PHF13: variants seen among roughly 807,000 people sequenced by gnomAD.
PHF13 encodes the protein PHD zinc finger protein PHF5.
Under a neutral mutation model 25.8 loss-of-function variants are expected in PHF13, and 1 was observed. That is an observed-to-expected ratio of 0.04 (90% CI 0.01 to 0.18). PHF13 has a LOEUF of 0.18. Among genes scored for constraint, PHF13 ranks in the 10% least tolerant of loss-of-function variants. The probability of loss-of-function intolerance (pLI) is 1.00; values close to 1 mark genes in which losing one functional copy is unlikely to be tolerated. For missense variants in PHF13, 306 were observed against 403.2 expected (o/e 0.76, Z 2.06); for synonymous variants, 195 against 162.4 (o/e 1.20, Z -1.53).
At position 6,622,397 on chromosome 1, in the gene PHF13, A is replaced by G. The variant is rs1641352402; in HGVS notation, c.*760A>G. 1 of 152,732 alleles carries G rather than the reference A, an allele frequency of 6.5e-6. No homozygotes were observed. The allele number at this position is 152,732 out of a possible 1,614,324, so 9.5% of individuals were successfully genotyped here. On this transcript the variant is annotated 3_prime_UTR_variant, in exon 4 of 4. Coordinates refer to ENST00000377648, the MANE Select transcript of PHF13 (RefSeq NM_153812.3). ...CTTTTTGCACGATACAGCCAAAAGT[A>G]TTGGCTGATTTCTTGCTGAGTGCCC...
intron 3 of PHF13, 72 bp downstream of exon 3, chr1:6,620,409 CAT>C: frequency 6.7e-7 from 1 of 1,494,354 alleles, no homozygotes; most frequent in Non-Finnish European, 9.0e-7. Flanking sequence ...ATTAAGTGGT[CAT>C]CTCTCTGGGG....
Position 6,619,814 on chromosome 1 carries a change from A to G in PHF13, c.153A>G (p.Leu51=). The G allele has an allele frequency of 1.3e-6, 2 of 1,599,542 alleles. No individual in the cohort carries two copies. Among genetic ancestry groups the G allele is most frequent in the Non-Finnish European group, 1.7e-6 (2 of 1,172,404 alleles). ...YIPYPKEELP[L]RSSPSPANST... ...CTTTGTCTTTTTAGGAACTCCCTTTAAGGAGCAGCCCCAGCCCTGCTAACA... is the reference window on the plus strand; with the variant it reads ...CTTTGTCTTTTTAGGAACTCCCTTTGAGGAGCAGCCCCAGCCCTGCTAACA... The change falls in exon 3 of 4, where the codon TTA becomes TTG. Residue 51 remains leucine (L), a synonymous_variant. Transcript: ENST00000377648.
intron 1 of PHF13, among the ~76,000 whole-genome samples, chr1:6,615,321 C>T (rs1321498851): frequency 6.6e-6 from 1 of 152,226 alleles, no homozygotes; most frequent in Non-Finnish European, 1.5e-5. Flanking sequence ...GGTGGCGGCC[C>T]GCGGTTCCCG....
At position 6,621,754 on chromosome 1, in the gene PHF13, T is replaced by C. The variant is rs1641343374; in HGVS notation, c.*117T>C. 1 of 1,024,910 alleles carries C rather than the reference T, an allele frequency of 9.8e-7. No homozygotes were observed. The highest frequency in any genetic ancestry group is 1.6e-5 in the African/African-American group (1 of 62,726). The allele number at this position is 1,024,910 out of a possible 1,614,324, so 63.5% of individuals were successfully genotyped here. On this transcript the variant is annotated 3_prime_UTR_variant, in exon 4 of 4. Transcript: ENST00000377648. The surrounding 1 kb of genome is among the most constrained non-coding windows in gnomAD (Gnocchi z 4.8). ...CTGGTGCGGGCAGATCCCTGCCATT[T>C]AGGTGCCTAAGCAAAAGGACAGGCT...
chr1:6,620,595 T>C (rs1641324753), intron 3 of PHF13, among the ~76,000 whole-genome samples: 1 of 151,766 alleles, frequency 6.6e-6, no homozygotes, highest in Non-Finnish European at 1.5e-5. Context: ...AGCATCCAGG[T>C]AAGCATCCAG....
chr1:6,615,912 G>C (rs951224559), intron 1 of PHF13, among the ~76,000 whole-genome samples: 1 of 152,074 alleles, frequency 6.6e-6, no homozygotes, highest in Admixed American at 6.5e-5. Flanking sequence ...GGACAGTGGA[G>C]GGGACCCTCT....
At position 6,619,702 on chromosome 1, in the gene PHF13, G is replaced by C. The variant is rs1173822589; in HGVS notation, c.142-101G>C. On this transcript the variant is annotated intron_variant, in intron 2 of 3. Transcript: ENST00000377648. ...GGGCAGAGAAGCTCAAAGTTGTGCAGATGTCTCTGGAGGTCTGACATGGCT... is the reference window on the plus strand; with the variant it reads ...GGGCAGAGAAGCTCAAAGTTGTGCACATGTCTCTGGAGGTCTGACATGGCT... 2.5e-6 allele frequency: 3 copies of C among 1,212,686 alleles called. No individual in the cohort carries two copies. In the East Asian group the frequency reaches 7.0e-5, roughly 28 times the overall value. The allele number at this position is 1,212,686 out of a possible 1,614,324, so 75.1% of individuals were successfully genotyped here.
rs778189894 is a variant in PHF13, at chr1:6,619,833, G to C, written c.172G>C (p.Ala58Pro). Residue 58 changes from alanine to proline, a missense_variant, in exon 3 of 4, where the codon GCT (alanine) becomes CCT (proline). Ala to Pro is a conservative substitution (Grantham distance 27). Transcript: ENST00000377648. ...CCCTTTAAGGAGCAGCCCCAGCCCT[G>C]CTAACAGCACTGCTGGTACCATTGA... ...ELPLRSSPSPANSTAGTIDSD... is the reference protein window; with the variant it reads ...ELPLRSSPSPPNSTAGTIDSD... The C allele has an allele frequency of 1.2e-6, 2 of 1,611,468 alleles. No homozygotes were observed. The highest frequency in any genetic ancestry group is 1.7e-5 in the Admixed American group (1 of 59,820).
In PHF13 at chr1:6,615,901, G is replaced by C. The variant is rs1641253950; in HGVS notation, c.40-856G>C. On this transcript the variant is annotated intron_variant, in intron 1 of 3. Transcript: ENST00000377648. ...TGGGTGCCTGGCATCCCGACTGGCT[G>C]GGACAGTGGAGGGGACCCTCTGAGC... Among the ~76,000 whole-genome samples the C allele has an allele frequency of 2.6e-5, 4 of 152,112 alleles. No homozygotes were observed. In the South Asian group the frequency reaches 8.3e-4, roughly 32 times the overall value.
Position 6,620,100 on chromosome 1 carries a change from C to G in PHF13, c.439C>G (p.Pro147Ala). ...GGLLKLEAAD[P>A]YVETPTSPTL... ...CTTGCTGAAGCTGGAAGCCGCTGAC[C>G]CCTACGTGGAGACCCCCACGAGTCC... The change falls in exon 3 of 4, where the codon CCC becomes GCC. Residue 147 changes from proline to alanine, a missense_variant. This residue lies in a region of PHF13 where 186 missense variants were observed against 164.0 expected (regional missense o/e 1.13). Transcript: ENST00000377648. The G allele has an allele frequency of 6.2e-7, 1 of 1,613,484 alleles. No individual in the cohort carries two copies. Among genetic ancestry groups the G allele is most frequent in the Non-Finnish European group, 8.5e-7 (1 of 1,179,990 alleles).
chr1:6,618,174 G>A (rs1040478037), intron 2 of PHF13, among the ~76,000 whole-genome samples: 1 of 151,104 alleles, frequency 6.6e-6, no homozygotes, highest in African/African-American at 2.4e-5. Flanking sequence ...TTGCTCTGTT[G>A]CCCAGGCTGG....
At position 6,613,931 on chromosome 1, in the gene PHF13, T is replaced by C; in HGVS notation, c.-136T>C. On this transcript the variant is annotated 5_prime_UTR_variant, in exon 1 of 4. Coordinates refer to ENST00000377648, the MANE Select transcript of PHF13 (RefSeq NM_153812.3). Reference sequence around the variant, plus strand: ...GAGAAGCGACGCGCTGAGCCCCCCATCACCTCCAGCCCGGGCGACCCCTCC... The same window carrying C: ...GAGAAGCGACGCGCTGAGCCCCCCACCACCTCCAGCCCGGGCGACCCCTCC... 1.8e-6 allele frequency: 1 copy of C among 557,236 alleles called. No individual in the cohort carries two copies. The highest frequency in any genetic ancestry group is 3.1e-6 in the Non-Finnish European group (1 of 322,266). 34.5% of individuals were successfully genotyped at this position (557,236 alleles called of 1,614,324 possible).
Position 6,619,950 on chromosome 1 carries a change from C to G in PHF13, c.289C>G (p.Leu97Val), listed in dbSNP as rs375859469. Residue 97 changes from leucine (L) to valine (V), a missense_variant, in exon 3 of 4, where the codon CTC (leucine) becomes GTC (valine). Around this residue, in one of 5 missense-constraint regions of PHF13, gnomAD observed 186 missense variants for 164.0 expected, o/e 1.13. Coordinates refer to ENST00000377648, the MANE Select transcript of PHF13 (RefSeq NM_153812.3). ...DRCFSHLQPT[L>V]LQRAKPSNFL... The stretch of plus-strand genomic sequence containing the variant: ...CTGCTTTAGCCACCTGCAGCCTACT[C>G]TCTTGCAGCGAGCCAAGCCCAGTAA... 6.9e-5 allele frequency: 112 copies of G among 1,613,828 alleles called. No individual in the cohort carries two copies. Among genetic ancestry groups the G allele is most frequent in the Non-Finnish European group, 8.5e-5 (100 of 1,180,022 alleles).
intron 1 of PHF13, among the ~76,000 whole-genome samples, chr1:6,614,838 C>G (rs1052884511): frequency 2.0e-5 from 3 of 151,516 alleles, no homozygotes; most frequent in Admixed American, 6.6e-5. Context: ...GCCTCCCCCC[C>G]GCGCGGTCCC....
At position 6,621,784 on chromosome 1, in the gene PHF13, A is replaced by G. The variant is rs1641343683; in HGVS notation, c.*147A>G. Reference sequence around the variant, plus strand: ...GCCTAAGCAAAAGGACAGGCTGTCCAAGGTAGAAACTGTACATAGCCGGTG... The same window carrying G: ...GCCTAAGCAAAAGGACAGGCTGTCCGAGGTAGAAACTGTACATAGCCGGTG... On this transcript the variant is annotated 3_prime_UTR_variant, in exon 4 of 4. Coordinates refer to ENST00000377648, the MANE Select transcript of PHF13 (RefSeq NM_153812.3). The surrounding 1 kb of genome is among the most constrained non-coding windows in gnomAD (Gnocchi z 4.8). 1.3e-5 allele frequency: 10 copies of G among 797,760 alleles called. No homozygotes were observed. In the South Asian group the frequency reaches 1.6e-4, roughly 13 times the overall value. 49.4% of individuals were successfully genotyped at this position (797,760 alleles called of 1,614,324 possible).
chr1:6,615,255 C>T (rs1033037448), intron 1 of PHF13, among the ~76,000 whole-genome samples: 3 of 152,096 alleles, frequency 2.0e-5, no homozygotes, highest in Non-Finnish European at 4.4e-5. Context: ...GGTTTTTGAC[C>T]CACTTCTGCT....
At chr1:6,615,569 T>C (rs1342963484) in intron 1 of PHF13, among the ~76,000 whole-genome samples, 1 of 151,968 alleles carries the variant, frequency 6.6e-6, no homozygotes, top group Non-Finnish European at 1.5e-5. Flanking sequence ...CCACCGGCTC[T>C]CCCCCAGCAG....
chr1:6,615,136 G>C (rs1641240626), intron 1 of PHF13, among the ~76,000 whole-genome samples: 1 of 151,544 alleles, frequency 6.6e-6, no homozygotes, highest in Admixed American at 6.6e-5. Context: ...CGGCCGGGGG[G>C]GCGGGCGGCG....
intron 1 of PHF13, 127 bp downstream of exon 1, chr1:6,614,232 C>A (rs1167201636): frequency 2.7e-6 from 2 of 736,664 alleles, no homozygotes; most frequent in Non-Finnish European, 4.5e-6. Flanking sequence ...CCTCGTCGGC[C>A]CCCCCGGGAG....
Sources: gnomAD v4.1 joint callset for allele counts (sites outside exome capture counted in the v4.1 genomes callset) on GRCh38, gnomAD v4.1.1 for gene constraint, gnomAD v4.1.1 regional missense constraint, Gnocchi (gnomAD v3.1) non-coding constraint, MANE v1.5 for transcripts, NCBI Gene and HGNC (gene_info 2026-07-23, HGNC 2026-07-21) for gene names.